DCLK1: variants seen among roughly 807,000 people sequenced by gnomAD.
The protein encoded by DCLK1 is doublecortin like kinase 1.
A neutral mutation model predicts 86.2 loss-of-function variants in DCLK1; 16 were observed. The ratio of observed to expected loss-of-function variants is 0.19; its 90% CI spans 0.13 to 0.28. The LOEUF is 0.28. Ranked by LOEUF, DCLK1 falls within the 10% of genes least tolerant of loss-of-function variation. The pLI, the probability that DCLK1 is intolerant of heterozygous loss-of-function variation, is 1.00. For synonymous variants in DCLK1, 369 were observed against 370.5 expected (o/e 1.00, Z 0.05); for missense variants, 590 against 940.2 (o/e 0.63, Z 4.87).
intron 3 of DCLK1, among the ~76,000 whole-genome samples, chr13:35,967,181 C>G (rs987224708): frequency 2.7e-5 from 4 of 150,694 alleles, no homozygotes; most frequent in Admixed American, 2.6e-4. Context: ...TGAGGAGCGT[C>G]TCTGACTGGC....
intron 4 of DCLK1, among the ~76,000 whole-genome samples, chr13:35,875,224 C>T (rs932764564): frequency 3.3e-5 from 5 of 152,152 alleles, no homozygotes; most frequent in Non-Finnish European, 7.3e-5. Flanking sequence ...ATGACCAGAA[C>T]TTTTTGTCCC....
intron 4 of DCLK1, among the ~76,000 whole-genome samples, chr13:35,877,436 T>A (rs1350188371): frequency 6.6e-6 from 1 of 152,222 alleles, no homozygotes; most frequent in Admixed American, 6.5e-5. Context: ...CACATAGTGA[T>A]CATGCATTCA....
chr13:35,858,229 G>T (rs1871186978), intron 5 of DCLK1, among the ~76,000 whole-genome samples: 2 of 152,074 alleles, frequency 1.3e-5, no homozygotes, highest in East Asian at 3.9e-4. Flanking sequence ...TGGGGTGGAG[G>T]TAAACGGAAA....
intron 3 of DCLK1, among the ~76,000 whole-genome samples, chr13:36,057,427 T>C (rs1883377764): frequency 6.6e-6 from 1 of 152,228 alleles, no homozygotes; most frequent in African/African-American, 2.4e-5. Context: ...CTTAAATCTA[T>C]GTAACACCAC....
intron 4 of DCLK1, among the ~76,000 whole-genome samples, chr13:35,914,377 A>ATATATATACATATATG (rs1566600386): frequency 9.0e-6 from 1 of 111,668 alleles, no homozygotes; most frequent in African/African-American, 3.7e-5. Context: ...ATGTATATAT[A>ATATATATACATATATG]TATATATATA....
intron 4 of DCLK1, among the ~76,000 whole-genome samples, chr13:35,933,454 G>C (rs1343107079): frequency 6.6e-6 from 1 of 152,214 alleles, no homozygotes; most frequent in Non-Finnish European, 1.5e-5. Context: ...CTCCATGAGA[G>C]CCCTGCTCCT....
At chr13:35,815,985 T>C (rs926113635) in intron 11 of DCLK1, among the ~76,000 whole-genome samples, 6 of 152,130 alleles carry the variant, frequency 3.9e-5, no homozygotes, top group African/African-American at 1.2e-4. Flanking sequence ...TCTGGGAAGA[T>C]GGAGAAGTGA....
chr13:36,071,217 T>C (rs1883962393), intron 3 of DCLK1, among the ~76,000 whole-genome samples: 1 of 152,068 alleles, frequency 6.6e-6, no homozygotes. Context: ...TCCCATGAAA[T>C]TGAACACTTA....
chr13:36,102,540 G>C (rs1885254351), intron 3 of DCLK1, among the ~76,000 whole-genome samples: 1 of 152,212 alleles, frequency 6.6e-6, no homozygotes, highest in African/African-American at 2.4e-5. Flanking sequence ...AGGCAAAGCA[G>C]AAGTGATTAT....
At chr13:35,782,201 C>T (rs557240568) in intron 16 of DCLK1, among the ~76,000 whole-genome samples, 89 of 152,244 alleles carry the variant, frequency 5.8e-4, no homozygotes, top group African/African-American at 1.8e-3. Flanking sequence ...CTCCTGCTGA[C>T]CTGGTTCTTA....
chr13:35,953,568 C>A lies in DCLK1; in HGVS notation c.724-6111G>T, dbSNP rs771574450. The stretch of plus-strand genomic sequence containing the variant: ...TTTTCCATTAACTTGTCATTACGCA[C>A]AGTCGTCCCAAGAGACTAAGCTGCT... On this transcript the variant is annotated intron_variant, in intron 3 of 16. Transcript: ENST00000360631. Among the ~76,000 whole-genome samples, 3 of 152,148 alleles carry A rather than the reference C, an allele frequency of 2.0e-5. No individual in the cohort carries two copies. In the East Asian group the frequency reaches 5.8e-4, roughly 29 times the overall value.
chr13:35,961,592 C>G (rs960438404), intron 3 of DCLK1, among the ~76,000 whole-genome samples: 5 of 152,166 alleles, frequency 3.3e-5, no homozygotes, highest in African/African-American at 1.2e-4. Flanking sequence ...GAACTTTCCC[C>G]TTGCATCCCC....
chr13:35,856,287 T>A (rs974292550), intron 5 of DCLK1, among the ~76,000 whole-genome samples: 1 of 152,138 alleles, frequency 6.6e-6, no homozygotes, highest in Non-Finnish European at 1.5e-5. Flanking sequence ...CCTCATCACA[T>A]TAGACTTCCT....
At chr13:35,953,765 C>T (rs936501323) in intron 3 of DCLK1, among the ~76,000 whole-genome samples, 5 of 152,168 alleles carry the variant, frequency 3.3e-5, no homozygotes, top group Admixed American at 3.3e-4. Flanking sequence ...AATAAGATCT[C>T]CATGGTGACG....
At chr13:36,086,141 C>G (rs1240969974) in intron 3 of DCLK1, among the ~76,000 whole-genome samples, 1 of 152,160 alleles carries the variant, frequency 6.6e-6, no homozygotes, top group African/African-American at 2.4e-5. Flanking sequence ...TTCCCCCATC[C>G]AACTCAGCAG....
intron 3 of DCLK1, among the ~76,000 whole-genome samples, chr13:35,958,234 CCATCAT>C (rs1235342349): frequency 2.9e-3 from 400 of 138,086 alleles, no homozygotes; most frequent in African/African-American, 6.6e-3. Flanking sequence ...ACTATAACCA[CCATCAT>C]CACCACCACC....
intron 6 of DCLK1, among the ~76,000 whole-genome samples, chr13:35,844,719 A>G (rs1320481574): frequency 1.3e-5 from 2 of 152,232 alleles, no homozygotes; most frequent in Non-Finnish European, 2.9e-5. Context: ...AACTCTGGTT[A>G]TATTAAGAAA....
At chr13:35,883,857 T>G (rs1179752105) in intron 4 of DCLK1, among the ~76,000 whole-genome samples, 3 of 152,186 alleles carry the variant, frequency 2.0e-5, no homozygotes, top group Non-Finnish European at 2.9e-5. Flanking sequence ...GTGTATGTAC[T>G]GACGAGTGAG....
intron 3 of DCLK1, among the ~76,000 whole-genome samples, chr13:35,976,463 TCGAGGCAGAATTCTGTGAGTGACCC>T (rs558209891): frequency 9.3e-4 from 140 of 150,658 alleles, no homozygotes; most frequent in African/African-American, 3.2e-3. Context: ...GCCTGTGAAC[TCGAGGCAGAATTCTGTGAGTGACCC>T]TGAGAAAGGT....
Sources: allele counts gnomAD v4.1 joint callset (sites outside exome capture counted in the v4.1 genomes callset), GRCh38; gene constraint gnomAD v4.1.1; transcripts MANE v1.5; gene names NCBI Gene and HGNC (gene_info 2026-07-23, HGNC 2026-07-21).